HMGXB3: variants seen among roughly 807,000 people sequenced by gnomAD.
HMGXB3 encodes HMG domain-containing protein 3.
HMGXB3 carries 45 observed loss-of-function variants against 121.5 expected under a neutral mutation model. The ratio of observed to expected loss-of-function variants is 0.37; its 90% CI spans 0.29 to 0.47. The LOEUF (loss-of-function observed/expected upper bound fraction) is 0.47. HMGXB3 is among the 20% of genes least tolerant of loss of function. The probability of loss-of-function intolerance (pLI) is 0.99; values close to 1 mark genes in which losing one functional copy is unlikely to be tolerated. For missense variants in HMGXB3, 1,376 were observed against 1,602.2 expected, an observed-to-expected ratio of 0.86 and a Z score of 2.41; for synonymous variants, 590 against 624.1, an observed-to-expected ratio of 0.95 and a Z score of 0.81.
intron 3 of HMGXB3, 111 bp downstream of exon 3, chr5:150,006,758 C>T (rs1001997358): frequency 2.7e-5 from 25 of 910,636 alleles, no homozygotes; most frequent in East Asian, 2.7e-4. Context: ...AAAGTTTCAT[C>T]GTTTTATCCT....
chr5:150,051,353 G>A (rs762730353), intron 19 of HMGXB3, among the ~76,000 whole-genome samples: 4 of 152,212 alleles, frequency 2.6e-5, no homozygotes, highest in Admixed American at 1.3e-4. Context: ...GCTTTGCCTT[G>A]GAGGAGTCAT....
chr5:150,043,555 A>G (rs759754458), intron 15 of HMGXB3, among the ~76,000 whole-genome samples: 18 of 152,232 alleles, frequency 1.2e-4, no homozygotes, highest in Non-Finnish European at 2.1e-4. Flanking sequence ...TTACTTCCCA[A>G]GTAAGAAACC....
rs1212954966 is a variant in HMGXB3 at position 150,048,636 on chromosome 5, C to A, written c.3152C>A (p.Pro1051His). The stretch of plus-strand genomic sequence containing the variant: ...CAGAATGGAGCTAGAGCTATACGGC[C>A]CCCACGTCACTTCACAGGTGGTAAA... Reference protein sequence around the residue: ...SVQNGARAIRPPRHFTGGKIY... With the variant: ...SVQNGARAIRHPRHFTGGKIY... Residue 1051 changes from proline to histidine, a missense_variant, in exon 18 of 20, where the codon CCC (proline) becomes CAC (histidine). Physicochemically the swap from Pro to His is moderately conservative, Grantham distance 77 (BLOSUM62 -2). Coordinates refer to ENST00000502717, the MANE Select transcript of HMGXB3 (RefSeq NM_014983.3). 1.9e-6 allele frequency: 3 copies of A among 1,551,784 alleles called. No individual in the cohort carries two copies. The highest frequency in any genetic ancestry group is 2.6e-6 in the Non-Finnish European group (3 of 1,147,018).
At chr5:150,013,238 C>T (rs1472232048) in intron 5 of HMGXB3, among the ~76,000 whole-genome samples, 1 of 152,130 alleles carries the variant, frequency 6.6e-6, no homozygotes, top group African/African-American at 2.4e-5. Context: ...TGCCCTTTAT[C>T]ATGTTTAGGT....
Position 150,013,341 on chromosome 5 carries a change from T to G in HMGXB3, c.909+988T>G, listed in dbSNP as rs371492136. On this transcript the variant is annotated intron_variant, in intron 5 of 19. Coordinates refer to ENST00000502717, the MANE Select transcript of HMGXB3 (RefSeq NM_014983.3). ...TTTTCTGTGTCTATTGAGAGTATTA[T>G]AAGAATTTTCCGGAAGTTGGTTAAG... Among the ~76,000 whole-genome samples the G allele has an allele frequency of 8.7e-4, 132 of 152,366 alleles. 1 individual carries two copies. The highest frequency in any genetic ancestry group is 2.5e-3 in the African/African-American group (103 of 41,584).
chr5:150,004,988 AG>A lies in HMGXB3; in HGVS notation c.137+1del. 1.3e-6 allele frequency: 2 copies of A among 1,547,014 alleles called. No homozygotes were observed. Among genetic ancestry groups the A allele is most frequent in the Non-Finnish European group, 1.7e-6 (2 of 1,145,910 alleles). On this transcript the variant is annotated frameshift_variant and splice_region_variant, in exon 2 of 20. Transcript: ENST00000502717. Reference sequence around the variant, plus strand: ...ACATGGAGAAAAGACAAAGAAACCCAGGTTAGCCAACACATTTTGGTTGCTG... The same window carrying A: ...ACATGGAGAAAAGACAAAGAAACCCAGTTAGCCAACACATTTTGGTTGCTG... ...KIHGEKTKKP[R>X]SAYLLYYYDI...
intron 8 of HMGXB3, 35 bp from the exon 9 acceptor site, chr5:150,026,985 A>C: frequency 6.5e-7 from 1 of 1,547,520 alleles, no homozygotes; most frequent in South Asian, 1.2e-5. Context: ...CTCTGAATGC[A>C]CTTAAGTCAC....
At chr5:150,036,582 G>T (rs1756504893) in intron 11 of HMGXB3, 54 bp from the exon 12 acceptor site, 1 of 1,436,762 alleles carries the variant, frequency 7.0e-7, no homozygotes, top group Non-Finnish European at 9.2e-7. Context: ...ATTTTAGCCT[G>T]AAGCTGGCTC....
chr5:150,004,796 C>T (rs2113721441), intron 1 of HMGXB3, 55 bp from the exon 2 acceptor site: 2 of 1,239,008 alleles, frequency 1.6e-6, no homozygotes, highest in Middle Eastern at 1.9e-4. Flanking sequence ...CAGGAAGCTG[C>T]TGCCCCTCTT....
chr5:150,032,316 C>T (rs1474176857), intron 10 of HMGXB3, 138 bp from the exon 11 acceptor site: 19 of 808,258 alleles, frequency 2.4e-5, no homozygotes, highest in Admixed American at 5.7e-5. Context: ...AAGGTTAAGG[C>T]TCTTGAAGTT....
At chr5:150,034,106 A>G (rs1010840399) in intron 11 of HMGXB3, among the ~76,000 whole-genome samples, 1 of 152,180 alleles carries the variant, frequency 6.6e-6, no homozygotes, top group Non-Finnish European at 1.5e-5. Flanking sequence ...TAAGGAGTTT[A>G]TAAATCCCTG....
At chr5:150,026,660 TC>T in intron 7 of HMGXB3, 45 bp from the exon 8 acceptor site, 3 of 1,513,088 alleles carry the variant, frequency 2.0e-6, no homozygotes, top group Non-Finnish European at 2.7e-6. Context: ...TTGGTTTTCT[TC>T]CCTTTGTTCC....
rs1374159421 is a variant in HMGXB3, at chr5:150,010,099, C to T, written c.313-12C>T. 6.5e-7 allele frequency: 1 copy of T among 1,545,692 alleles called. No individual in the cohort carries two copies. The highest frequency in any genetic ancestry group is 1.2e-5 in the South Asian group (1 of 83,450). On this transcript the variant is annotated splice_polypyrimidine_tract_variant and intron_variant, in intron 3 of 19. Transcript: ENST00000502717. ...CTGCTTGTCTCCCCCTTCCTGGCTT[C>T]CTCATCCTCAGAACTCTAAGCTCTC...
intron 15 of HMGXB3, among the ~76,000 whole-genome samples, chr5:150,043,855 G>A (rs985455039): frequency 1.3e-5 from 2 of 152,190 alleles, no homozygotes; most frequent in Non-Finnish European, 2.9e-5. Flanking sequence ...TTTCTCAGCC[G>A]CTGACTGTGG....
At chr5:150,006,671 A>AT (rs1755710368) in intron 3 of HMGXB3, 24 bp downstream of exon 3, 6 of 1,547,632 alleles carry the variant, frequency 3.9e-6, no homozygotes, top group South Asian at 1.2e-5. Flanking sequence ...TTTTCCAGCT[A>AT]TTTTTTCCAC....
At chr5:150,002,637 T>C (rs1375945838) in intron 1 of HMGXB3, among the ~76,000 whole-genome samples, 1 of 152,138 alleles carries the variant, frequency 6.6e-6, no homozygotes, top group Non-Finnish European at 1.5e-5. Flanking sequence ...TTGAGACTTG[T>C]GGTAAAAGTC....
At chr5:150,030,601 AC>A (rs1453797116) in intron 9 of HMGXB3, 139 bp from the exon 10 acceptor site, 2 of 637,356 alleles carry the variant, frequency 3.1e-6, no homozygotes, top group East Asian at 5.6e-5. Context: ...GTGACTGCCA[AC>A]TGGCAGTCCA....
chr5:150,033,396 T>C (rs1412084290), intron 11 of HMGXB3, among the ~76,000 whole-genome samples: 1 of 152,154 alleles, frequency 6.6e-6, no homozygotes, highest in Non-Finnish European at 1.5e-5. Flanking sequence ...AGGCAGGTTT[T>C]GAATGGAAGG....
At position 150,050,294 on chromosome 5, in the gene HMGXB3, C is replaced by A; in HGVS notation, c.3244C>A (p.Arg1082Ser). 6.4e-7 allele frequency: 1 copy of A among 1,551,794 alleles called. No homozygotes were observed. The highest frequency in any genetic ancestry group is 8.7e-7 in the Non-Finnish European group (1 of 1,146,992). Reference protein sequence around the residue: ...SKYLVRGESARDHVDLLASSR... With the variant: ...SKYLVRGESASDHVDLLASSR... ...GTATCTTGTGCGAGGTGAGAGTGCC[C>A]GTGACCATGTGGACCTGCTTGCCTC... The change falls in exon 19 of 20, where the codon CGT becomes AGT. Residue 1082 changes from arginine to serine, a missense_variant. Transcript: ENST00000502717.
Sources: gnomAD v4.1 joint callset for allele counts (sites outside exome capture counted in the v4.1 genomes callset) on GRCh38, gnomAD v4.1.1 for gene constraint, MANE v1.5 for transcripts, NCBI Gene and HGNC (gene_info 2026-07-23, HGNC 2026-07-21) for gene names.